Variants in ROBO1 observed in about 807,000 individuals in gnomAD.
ROBO1 encodes roundabout homolog 1.
ROBO1 carries 149 observed loss-of-function variants against 195.9 expected under a neutral mutation model. That is an observed-to-expected ratio of 0.76 (90% confidence interval 0.67 to 0.87). ROBO1 has a LOEUF of 0.87. Among genes scored for constraint, ROBO1 ranks in the 40% least tolerant of loss-of-function variants. The pLI is 0.00. For missense variants in ROBO1, 1,933 were observed against 2,068.3 expected (o/e 0.93, Z 1.27); for synonymous variants, 816 against 733.2 (o/e 1.11, Z -1.82).
intron 2 of ROBO1, among the ~76,000 whole-genome samples, chr3:79,524,786 G>T (rs776418172): frequency 1.3e-5 from 2 of 152,026 alleles, no homozygotes; most frequent in Non-Finnish European, 2.9e-5. Context: ...GATCATAAAG[G>T]TTGTATATTT....
chr3:79,005,961 G>C (rs1434948732), intron 3 of ROBO1, among the ~76,000 whole-genome samples: 1 of 151,940 alleles, frequency 6.6e-6, no homozygotes, highest in African/African-American at 2.4e-5. Context: ...CCACAACCTC[G>C]ATTTTCTTTA....
chr3:79,748,590 A>G (rs1173127901), intron 1 of ROBO1, among the ~76,000 whole-genome samples: 5 of 152,102 alleles, frequency 3.3e-5, no homozygotes, highest in Admixed American at 6.6e-5. Flanking sequence ...CTGTGTCCCC[A>G]CCCAAATCTC....
chr3:79,612,447 G>T (rs1434691179), intron 1 of ROBO1, among the ~76,000 whole-genome samples: 2 of 151,554 alleles, frequency 1.3e-5, no homozygotes, highest in Non-Finnish European at 2.9e-5. Context: ...CATTTGGGTT[G>T]GTTCCAAGTC....
At chr3:79,399,014 T>C (rs1476759998) in intron 2 of ROBO1, among the ~76,000 whole-genome samples, 5 of 151,990 alleles carry the variant, frequency 3.3e-5, no homozygotes, top group African/African-American at 1.2e-4. Flanking sequence ...ACAGCCTCCA[T>C]TGAGAAACAA....
Position 78,965,973 on chromosome 3 carries a change from T to C in ROBO1, c.173-27046A>G, listed in dbSNP as rs978849682. 3.3e-5 allele frequency among the ~76,000 whole-genome samples: 5 copies of C among 152,232 alleles called. No individual in the cohort carries two copies. The South Asian group carries it at 8.3e-4, about 25-fold the overall frequency. ...ATTATCTTTAAATGCAACAAGCAAC[T>C]AGCTATTGTGTTAGACCAGGGGTCC... On this transcript the variant is annotated intron_variant, in intron 3 of 30. Coordinates refer to ENST00000464233, the MANE Select transcript of ROBO1 (RefSeq NM_002941.4).
intron 18 of ROBO1, among the ~76,000 whole-genome samples, chr3:78,653,478 T>C (rs916246341): frequency 6.6e-6 from 1 of 152,164 alleles, no homozygotes; most frequent in South Asian, 2.1e-4. Context: ...GCCTGGGTAA[T>C]ACCTTCAACA....
intron 4 of ROBO1, among the ~76,000 whole-genome samples, chr3:78,894,241 C>T (rs1188955387): frequency 6.6e-6 from 1 of 151,994 alleles, no homozygotes; most frequent in Non-Finnish European, 1.5e-5. Context: ...AATTCAAAGC[C>T]ATGAAAAGCA....
chr3:79,428,107 A>G (rs1182556284), intron 2 of ROBO1, among the ~76,000 whole-genome samples: 2 of 152,290 alleles, frequency 1.3e-5, no homozygotes, highest in East Asian at 3.9e-4. Flanking sequence ...CTCTATAGGA[A>G]AGCATCTAAT....
chr3:78,632,100 A>C (rs564503422), intron 24 of ROBO1, among the ~76,000 whole-genome samples: 14 of 152,242 alleles, frequency 9.2e-5, no homozygotes, highest in Middle Eastern at 3.4e-3. Context: ...CCCCTTTCCA[A>C]TATGTTATAT....
At chr3:79,237,457 G>A (rs1472657633) in intron 2 of ROBO1, among the ~76,000 whole-genome samples, 3 of 149,506 alleles carry the variant, frequency 2.0e-5, no homozygotes, top group Non-Finnish European at 4.4e-5. Context: ...CTCCAGCCTG[G>A]GCGACAGAGC....
intron 2 of ROBO1, among the ~76,000 whole-genome samples, chr3:79,481,437 A>T (rs555201190): frequency 6.6e-6 from 1 of 152,312 alleles, no homozygotes; most frequent in Non-Finnish European, 1.5e-5. Context: ...TGATTCTGTG[A>T]ATAGCCTAGG....
intron 2 of ROBO1, among the ~76,000 whole-genome samples, chr3:79,225,451 C>T (rs2082210662): frequency 6.6e-6 from 1 of 152,200 alleles, no homozygotes; most frequent in Non-Finnish European, 1.5e-5. Context: ...CTTGCACACA[C>T]ATTTGCCGTG....
At chr3:79,563,598 A>G (rs546855304) in intron 2 of ROBO1, among the ~76,000 whole-genome samples, 21 of 152,222 alleles carry the variant, frequency 1.4e-4, no homozygotes, top group Non-Finnish European at 2.5e-4. Flanking sequence ...GGCATCCAAT[A>G]AAAAGAAATT....
intron 5 of ROBO1, among the ~76,000 whole-genome samples, chr3:78,743,743 G>A (rs981388777): frequency 3.3e-5 from 5 of 152,110 alleles, no homozygotes; most frequent in African/African-American, 1.2e-4. Context: ...TGTCTTCCAC[G>A]TTGCAGTTGC....
chr3:79,583,048 C>T (rs1361919673), intron 2 of ROBO1, among the ~76,000 whole-genome samples: 1 of 151,964 alleles, frequency 6.6e-6, no homozygotes, highest in Non-Finnish European at 1.5e-5. Flanking sequence ...TTCTAGTGCA[C>T]ATTTGGCAAA....
intron 2 of ROBO1, among the ~76,000 whole-genome samples, chr3:79,292,582 A>G (rs764262129): frequency 1.3e-5 from 2 of 152,158 alleles, no homozygotes; most frequent in Non-Finnish European, 2.9e-5. Context: ...GGTTTTTAGC[A>G]TGAAGGGTGT....
At chr3:78,945,003 G>C (rs1320665769) in intron 3 of ROBO1, among the ~76,000 whole-genome samples, 1 of 152,212 alleles carries the variant, frequency 6.6e-6, no homozygotes, top group Non-Finnish European at 1.5e-5. Flanking sequence ...GTTTGATTAG[G>C]TAGACAAAGC....
At chr3:78,848,615 C>T (rs1471492247) in intron 4 of ROBO1, among the ~76,000 whole-genome samples, 1 of 152,046 alleles carries the variant, frequency 6.6e-6, no homozygotes, top group Non-Finnish European at 1.5e-5. Flanking sequence ...CAGAAGGTGT[C>T]CTGCAAGTCT....
At chr3:79,383,151 G>T (rs943350107) in intron 2 of ROBO1, among the ~76,000 whole-genome samples, 15 of 152,076 alleles carry the variant, frequency 9.9e-5, no homozygotes, top group African/African-American at 3.6e-4. Flanking sequence ...TGCCTGCCAA[G>T]ACTTCCTTTT....
Sources: allele counts gnomAD v4.1 joint callset (sites outside exome capture counted in the v4.1 genomes callset), GRCh38; gene constraint gnomAD v4.1.1; transcripts MANE v1.5; gene names NCBI Gene and HGNC (gene_info 2026-07-23, HGNC 2026-07-21).